COL25A1: variants seen among roughly 807,000 people sequenced by gnomAD.
COL25A1 encodes collagen alpha-1(XXV) chain.
In COL25A1, 103 loss-of-function variants were observed where a neutral mutation model predicts 128.4. That is an observed-to-expected ratio of 0.80 (90% confidence interval 0.68 to 0.94). The LOEUF (loss-of-function observed/expected upper bound fraction) is 0.94, where lower values mean the gene tolerates loss of function less well. COL25A1 is among the 40% of genes least tolerant of loss of function. The pLI is 0.00. For synonymous variants in COL25A1, 279 were observed against 277.2 expected (o/e 1.01, Z -0.06); for missense variants, 745 against 840.0 (o/e 0.89, Z 1.40).
chr4:109,170,973 T>G (rs1369478446), intron 3 of COL25A1, among the ~76,000 whole-genome samples: 1 of 152,120 alleles, frequency 6.6e-6, no homozygotes, highest in African/African-American at 2.4e-5. Context: ...TCCCACAGGA[T>G]GCAAGCTGCA....
intron 3 of COL25A1, among the ~76,000 whole-genome samples, chr4:109,190,543 G>A (rs771563390): frequency 6.6e-6 from 1 of 152,160 alleles, no homozygotes; most frequent in African/African-American, 2.4e-5. Flanking sequence ...ACTTTGGCAG[G>A]AGCAGGTGAG....
chr4:108,974,931 C>A (rs1752284152), intron 6 of COL25A1, among the ~76,000 whole-genome samples: 1 of 152,140 alleles, frequency 6.6e-6, no homozygotes, highest in African/African-American at 2.4e-5. Context: ...TATTCTGACC[C>A]CTGACAATAT....
At chr4:108,994,407 G>A (rs1754542718) in intron 6 of COL25A1, among the ~76,000 whole-genome samples, 1 of 152,200 alleles carries the variant, frequency 6.6e-6, no homozygotes, top group African/African-American at 2.4e-5. Flanking sequence ...GGGGGGAGGG[G>A]CGTCCACCAT....
chr4:108,904,503 A>G (rs1164309441), intron 13 of COL25A1, among the ~76,000 whole-genome samples: 1 of 152,154 alleles, frequency 6.6e-6, no homozygotes, highest in Admixed American at 6.5e-5. Context: ...ATCAGGACAA[A>G]AATTATCATG....
chr4:109,136,415 A>ATAATC (rs1769770793), intron 3 of COL25A1, among the ~76,000 whole-genome samples: 1 of 152,150 alleles, frequency 6.6e-6, no homozygotes, highest in Non-Finnish European at 1.5e-5. Context: ...AATAATAATA[A>ATAATC]TAATCTTAAA....
chr4:109,295,144 T>G (rs76157379), intron 3 of COL25A1, among the ~76,000 whole-genome samples: 3,378 of 152,068 alleles, frequency 0.022, 131 homozygotes, highest in African/African-American at 0.075. Context: ...CATGAAAAAA[T>G]AGAATTATTA....
chr4:109,119,393 C>T (rs1301653780), intron 3 of COL25A1, among the ~76,000 whole-genome samples: 3 of 151,702 alleles, frequency 2.0e-5, no homozygotes, highest in East Asian at 1.9e-4. Flanking sequence ...TAGAGAAAAT[C>T]GGCAAAACTC....
At chr4:108,896,640 A>C (rs746605144) in intron 16 of COL25A1, 27 bp downstream of exon 16, 1 of 1,606,658 alleles carries the variant, frequency 6.2e-7, no homozygotes, top group South Asian at 1.1e-5. Context: ...TCACATATGT[A>C]CCCTTTCATG....
At chr4:108,982,402 T>G (rs1321583448) in intron 6 of COL25A1, among the ~76,000 whole-genome samples, 3 of 152,122 alleles carry the variant, frequency 2.0e-5, no homozygotes, top group Non-Finnish European at 4.4e-5. Context: ...CTTTTATGAT[T>G]AAAATAGACT....
chr4:108,886,484 G>GTTTTTTTTTTTT (rs1392899230), intron 18 of COL25A1, among the ~76,000 whole-genome samples: 3 of 82,766 alleles, frequency 3.6e-5, no homozygotes, highest in African/African-American at 1.2e-4. Context: ...GTGTGTGTGT[G>GTTTTTTTTTTTT]TGTGTGTGTT....
At chr4:108,877,231 C>T (rs749431907) in intron 19 of COL25A1, among the ~76,000 whole-genome samples, 18 of 152,184 alleles carry the variant, frequency 1.2e-4, no homozygotes, top group African/African-American at 4.1e-4. Flanking sequence ...TGACCAACTA[C>T]GGAGGGCCTC....
At chr4:108,942,257 G>T in intron 8 of COL25A1, 1 of 1,550,350 alleles carries the variant, frequency 6.5e-7, no homozygotes, top group Non-Finnish European at 8.7e-7. Flanking sequence ...CTGTGGGGAA[G>T]CCTGGCAGGC....
rs989705974 is a variant in COL25A1 at position 109,196,662 on chromosome 4, A to G, written c.367+103921T>C. On this transcript the variant is annotated intron_variant, in intron 3 of 37. Transcript: ENST00000399132. Reference sequence around the variant, plus strand: ...CAGTGTAAAAAGAAGCCATTTCAAAACATTCTTCTGTGTGTTCAGAAGTAA... The same window carrying G: ...CAGTGTAAAAAGAAGCCATTTCAAAGCATTCTTCTGTGTGTTCAGAAGTAA... 3.9e-5 allele frequency among the ~76,000 whole-genome samples: 6 copies of G among 152,296 alleles called. No individual in the cohort carries two copies. In the East Asian group the frequency reaches 1.2e-3, roughly 29 times the overall value.
chr4:109,149,504 T>C (rs189131536), intron 3 of COL25A1, among the ~76,000 whole-genome samples: 33 of 152,234 alleles, frequency 2.2e-4, no homozygotes, highest in Admixed American at 7.2e-4. Flanking sequence ...TGATTTTAAA[T>C]AATAAAATAT....
intron 6 of COL25A1, among the ~76,000 whole-genome samples, chr4:109,006,357 G>A (rs997817672): frequency 3.0e-5 from 4 of 135,568 alleles, no homozygotes; most frequent in Admixed American, 1.6e-4. Flanking sequence ...GGTTATAGGT[G>A]TGCACTGCCA....
intron 3 of COL25A1, among the ~76,000 whole-genome samples, chr4:109,291,346 T>C (rs1323355871): frequency 6.6e-6 from 1 of 152,136 alleles, no homozygotes; most frequent in Non-Finnish European, 1.5e-5. Flanking sequence ...TCCTAGAGAC[T>C]TCTTCCTAGT....
chr4:109,167,414 T>A (rs377470702), intron 3 of COL25A1, among the ~76,000 whole-genome samples: 6 of 152,154 alleles, frequency 3.9e-5, no homozygotes, highest in African/African-American at 1.4e-4. Flanking sequence ...GAAATAAAGC[T>A]TTTTTTCTCT....
intron 11 of COL25A1, among the ~76,000 whole-genome samples, chr4:108,936,347 T>C (rs111810940): frequency 0.037 from 5,571 of 152,154 alleles, 179 homozygotes; most frequent in African/African-American, 0.067. Context: ...GGCAGGTGGA[T>C]CACAAGGTCA....
intron 3 of COL25A1, among the ~76,000 whole-genome samples, chr4:109,285,785 A>G (rs552565999): frequency 4.9e-4 from 75 of 152,366 alleles, no homozygotes; most frequent in African/African-American, 1.8e-3. Flanking sequence ...ACTTGAAATC[A>G]ATCCTGGTAG....
Sources: allele counts gnomAD v4.1 joint callset (sites outside exome capture counted in the v4.1 genomes callset), GRCh38; gene constraint gnomAD v4.1.1; transcripts MANE v1.5; gene names NCBI Gene and HGNC (gene_info 2026-07-23, HGNC 2026-07-21).